SERPINA9: variants seen among roughly 807,000 people sequenced by gnomAD.
The protein encoded by SERPINA9 is serpin family A member 9.
In SERPINA9, 32 loss-of-function variants were observed where a neutral mutation model predicts 24.5. That is an observed-to-expected ratio of 1.30 (90% CI 0.98 to 1.75). SERPINA9 has a LOEUF of 1.75. Ranked by LOEUF, SERPINA9 falls within the 40% of genes most tolerant of loss-of-function variation. SERPINA9 has a pLI of 0.00. For synonymous variants in SERPINA9, 233 were observed against 197.7 expected, an observed-to-expected ratio of 1.18 and a Z score of -1.50; for missense variants, 594 against 497.1, an observed-to-expected ratio of 1.19 and a Z score of -1.85.
At chr14:94,475,824 C>T (rs571392146) in intron 1 of SERPINA9, 1 of 460,396 alleles carries the variant, frequency 2.2e-6, no homozygotes, top group South Asian at 4.4e-5. Context: ...ACACTCCTTT[C>T]ACCCTCTCAT....
At chr14:94,476,020 C>A in intron 1 of SERPINA9, 116 bp downstream of exon 1, 1 of 1,503,318 alleles carries the variant, frequency 6.7e-7, no homozygotes. Flanking sequence ...TCTAGGTTCT[C>A]ATCTTATTTG....
chr14:94,471,880 C>T (rs772436656), intron 1 of SERPINA9, among the ~76,000 whole-genome samples: 4 of 152,158 alleles, frequency 2.6e-5, no homozygotes, highest in Non-Finnish European at 5.9e-5. Flanking sequence ...CAGCTTCTCT[C>T]CATCTCTTTG....
intron 1 of SERPINA9, 41 bp downstream of exon 1, chr14:94,476,095 A>T (rs1439553358): frequency 1.9e-6 from 3 of 1,613,814 alleles, no homozygotes; most frequent in Non-Finnish European, 2.5e-6. Flanking sequence ...TGGCTCAGTG[A>T]CACCACATTC....
At chr14:94,471,468 A>G (rs1899315271) in intron 1 of SERPINA9, among the ~76,000 whole-genome samples, 3 of 152,210 alleles carry the variant, frequency 2.0e-5, no homozygotes. Context: ...AATGAATCAC[A>G]TTTTATTATA....
chr14:94,475,252 T>G (rs2139826867), intron 1 of SERPINA9, among the ~76,000 whole-genome samples: 1 of 152,236 alleles, frequency 6.6e-6, no homozygotes, highest in East Asian at 1.9e-4. Context: ...CACTGTGGGT[T>G]CCCAACCACC....
At position 94,469,756 on chromosome 14, in the gene SERPINA9, C is replaced by A. The variant is rs1337187253; in HGVS notation, c.85G>T (p.Ala29Ser). Residue 29 changes from alanine (A) to serine (S), a missense_variant, in exon 2 of 5, where the codon GCA becomes TCA. Transcript: ENST00000674397. ...YCVSPANAPSAYPRPSSTKST... is the reference protein window; with the variant it reads ...YCVSPANAPSSYPRPSSTKST... ...TTTGTGGAGGAAGGGCGGGGGTATG[C>A]ACTGGGGGCATTGGCCGGGGACACA... 3.2e-6 allele frequency: 5 copies of A among 1,564,696 alleles called. No homozygotes were observed. Among genetic ancestry groups the A allele is most frequent in the Non-Finnish European group, 4.3e-6 (5 of 1,154,140 alleles).
intron 1 of SERPINA9, among the ~76,000 whole-genome samples, chr14:94,473,354 A>G (rs1047005586): frequency 1.8e-4 from 28 of 152,030 alleles, no homozygotes; most frequent in African/African-American, 6.8e-4. Flanking sequence ...CCCCATCTCT[A>G]CTAAAAATGC....
chr14:94,475,227 C>T (rs2139826722), intron 1 of SERPINA9, among the ~76,000 whole-genome samples: 1 of 152,270 alleles, frequency 6.6e-6, no homozygotes, highest in East Asian at 1.9e-4. Flanking sequence ...AGGGGTTCTG[C>T]AAGGCAGCCT....
intron 3 of SERPINA9, among the ~76,000 whole-genome samples, chr14:94,466,159 A>C (rs1445267651): frequency 6.6e-6 from 1 of 152,134 alleles, no homozygotes; most frequent in Non-Finnish European, 1.5e-5. Flanking sequence ...GCCTGAGAAG[A>C]GAAGAAATCG....
At chr14:94,475,437 TAC>T (rs56863971) in intron 1 of SERPINA9, among the ~76,000 whole-genome samples, 5,630 of 149,784 alleles carry the variant, frequency 0.038, 276 homozygotes, top group African/African-American at 0.11. Flanking sequence ...CACACACACA[TAC>T]ACACACACAC....
In SERPINA9 at chr14:94,462,840, T is replaced by C; in HGVS notation, c.*253A>G. ...GGAGCCCCAAGGAATGGAAATATGG[T>C]AACCCAGCAACATCCCATGAAGCTA... On this transcript the variant is annotated 3_prime_UTR_variant, in exon 5 of 5. Transcript: ENST00000674397. 3 of 479,922 alleles carry C rather than the reference T, an allele frequency of 6.3e-6. No homozygotes were observed. Among genetic ancestry groups the C allele is most frequent in the Non-Finnish European group, 7.6e-6 (2 of 262,924 alleles). 29.7% of individuals were successfully genotyped at this position (479,922 alleles called of 1,614,324 possible). A position where few individuals can be genotyped will look rare whatever the true frequency, so the allele number is the denominator to read the frequency against.
chr14:94,475,437 TACACACACACAC>T (rs56863971), intron 1 of SERPINA9, among the ~76,000 whole-genome samples: 1 of 149,810 alleles, frequency 6.7e-6, no homozygotes, highest in African/African-American at 2.4e-5. Flanking sequence ...CACACACACA[TACACACACACAC>T]ACACACACAC....
In SERPINA9 at chr14:94,469,751, G is replaced by A; in HGVS notation, c.90C>T (p.Tyr30=). ...TGCTCTTTGTGGAGGAAGGGCGGGG[G>A]TATGCACTGGGGGCATTGGCCGGGG... is the stretch of plus-strand genomic sequence containing the variant. ...CVSPANAPSA[Y]PRPSSTKSTP... is the part of the protein sequence containing the mutation. The change falls in exon 2 of 5, where the codon TAC becomes TAT. Residue 30 remains tyrosine, a synonymous_variant. Transcript: ENST00000674397. 1 of 1,573,648 alleles carries A rather than the reference G, an allele frequency of 6.4e-7. No individual in the cohort carries two copies. Among genetic ancestry groups the A allele is most frequent in the African/African-American group, 1.3e-5 (1 of 74,268 alleles).
Position 94,469,342 on chromosome 14 carries a change from T to G in SERPINA9, c.499A>C (p.Asn167His). Residue 167 changes from asparagine to histidine, a missense_variant, in exon 2 of 5, where the codon AAC becomes CAC. Transcript: ENST00000674397. ...ATCCTCGCCTGGGCAATGGAGGGGT[T>G]GGAGAAATCTGTAGAAAAGACTTCT... ...EAEVFSTDFS[N>H]PSIAQARINS... 6.2e-7 allele frequency: 1 copy of G among 1,614,220 alleles called. No individual in the cohort carries two copies. Among genetic ancestry groups the G allele is most frequent in the South Asian group, 1.1e-5 (1 of 91,092 alleles).
intron 4 of SERPINA9, 60 bp downstream of exon 4, chr14:94,464,647 G>T (rs13379439): frequency 0.31 from 419,148 of 1,371,880 alleles, 65,605 homozygotes; most frequent in East Asian, 0.44. Flanking sequence ...AAGAGCATGT[G>T]ATTAATTCTG....
chr14:94,468,373 A>AAGGG (rs1425490646), intron 2 of SERPINA9, among the ~76,000 whole-genome samples: 2 of 151,964 alleles, frequency 1.3e-5, no homozygotes, highest in Admixed American at 6.5e-5. Context: ...CATGTGGATG[A>AAGGG]AGGGAGGGAG....
In SERPINA9 at chr14:94,467,473, G is replaced by A. The variant is rs1899065332; in HGVS notation, c.629-91C>T. ...TGAAATGGGGAATTACTTCTAGTGG[G>A]TATGAGGTTTCTTTTTGAGGTGACA... On this transcript the variant is annotated intron_variant, in intron 2 of 4. Coordinates refer to ENST00000674397, the MANE Select transcript of SERPINA9 (RefSeq NM_175739.4). 3 of 1,235,766 alleles carry A rather than the reference G, an allele frequency of 2.4e-6. No individual in the cohort carries two copies. In the Admixed American group the frequency reaches 7.2e-5, roughly 30 times the overall value. 76.6% of individuals were successfully genotyped at this position (1,235,766 alleles called of 1,614,324 possible).
intron 3 of SERPINA9, among the ~76,000 whole-genome samples, chr14:94,466,879 G>A (rs1899027693): frequency 6.6e-6 from 1 of 152,188 alleles, no homozygotes; most frequent in Non-Finnish European, 1.5e-5. Flanking sequence ...TTACCCCTTG[G>A]AGCCTCCATT....
chr14:94,466,428 G>T (rs1481857271), intron 3 of SERPINA9, among the ~76,000 whole-genome samples: 2 of 152,202 alleles, frequency 1.3e-5, no homozygotes, highest in Non-Finnish European at 2.9e-5. Context: ...TTACACTGCA[G>T]CCTTCCTTCT....
Sources: allele counts gnomAD v4.1 joint callset (sites outside exome capture counted in the v4.1 genomes callset), GRCh38; gene constraint gnomAD v4.1.1; transcripts MANE v1.5; gene names NCBI Gene and HGNC (gene_info 2026-07-23, HGNC 2026-07-21).